PRSS3: variants seen among roughly 807,000 people sequenced by gnomAD.
PRSS3 encodes the protein trypsin-3.
In PRSS3, 14 loss-of-function variants were observed where a neutral mutation model predicts 20.8. That is an observed-to-expected ratio of 0.67 (90% confidence interval 0.44 to 1.05). PRSS3 has a LOEUF of 1.05. PRSS3 is among the 50% of genes least tolerant of loss of function. The pLI is 0.00. For missense variants in PRSS3, 237 were observed against 306.4 expected (o/e 0.77, Z 1.69); for synonymous variants, 91 against 117.6 (o/e 0.77, Z 1.46).
chr9:33,795,428 G>A, upstream of PRSS3: 1 of 1,157,038 alleles, frequency 8.6e-7, no homozygotes, highest in East Asian at 2.5e-5. Context: ...TAGCCGAGCT[G>A]ATGCAAGACC....
At chr9:33,765,819 A>G (rs1168014850) in intron 1 of PRSS3, among the ~76,000 whole-genome samples, 3 of 152,250 alleles carry the variant, frequency 2.0e-5, no homozygotes, top group African/African-American at 7.2e-5. Flanking sequence ...AGGGGAGACT[A>G]CTGCATATCC....
At chr9:33,786,359 G>A (rs1824410794) in intron 1 of PRSS3, 1 of 605,342 alleles carries the variant, frequency 1.7e-6, no homozygotes, top group African/African-American at 1.8e-5. Context: ...AGAAGATGAA[G>A]GGGATATGTT....
chr9:33,759,844 G>C (rs1268861330), intron 1 of PRSS3, among the ~76,000 whole-genome samples: 1 of 152,180 alleles, frequency 6.6e-6, no homozygotes, highest in African/African-American at 2.4e-5. Context: ...AAGGGCTTAT[G>C]CAAGGAGGAT....
chr9:33,762,735 T>G (rs548314230), intron 1 of PRSS3, among the ~76,000 whole-genome samples: 2 of 152,342 alleles, frequency 1.3e-5, no homozygotes, highest in African/African-American at 4.8e-5. Flanking sequence ...CTCTCTAGGA[T>G]TATCTGATGT....
chr9:33,765,765 T>TTGAC (rs1328192359), intron 1 of PRSS3, among the ~76,000 whole-genome samples: 1 of 152,224 alleles, frequency 6.6e-6, no homozygotes, highest in African/African-American at 2.4e-5. Context: ...TGGACCACAG[T>TTGAC]TGACTGCAGG....
At chr9:33,798,903 C>A in intron 4 of PRSS3, 125 bp from the exon 5 acceptor site, 17 of 1,306,894 alleles carry the variant, frequency 1.3e-5, no homozygotes, top group African/African-American at 1.5e-5. Flanking sequence ...AGAGAATGGG[C>A]CACCGTGGGA....
intron 2 of PRSS3, among the ~76,000 whole-genome samples, chr9:33,797,102 G>C (rs1050506433): frequency 1.3e-5 from 2 of 152,144 alleles, no homozygotes; most frequent in African/African-American, 4.8e-5. Flanking sequence ...TGAAAATACT[G>C]ATGCCTGTGT....
At chr9:33,751,815 G>C (rs1447894524) in intron 1 of PRSS3, among the ~76,000 whole-genome samples, 3 of 152,124 alleles carry the variant, frequency 2.0e-5, no homozygotes, top group African/African-American at 4.8e-5. Context: ...GGGAAATTAC[G>C]GAAAGAATCA....
At chr9:33,755,318 TAGA>T (rs1180034133) in intron 1 of PRSS3, among the ~76,000 whole-genome samples, 1 of 152,212 alleles carries the variant, frequency 6.6e-6, no homozygotes, top group South Asian at 2.1e-4. Flanking sequence ...TCGTTCATTG[TAGA>T]AGGTTTTTAT....
chr9:33,764,523 T>C (rs1160856953), intron 1 of PRSS3, among the ~76,000 whole-genome samples: 1 of 152,036 alleles, frequency 6.6e-6, no homozygotes, highest in Non-Finnish European at 1.5e-5. Context: ...ACGAGCAAAA[T>C]TCAGTCTCAA....
At chr9:33,798,440 C>T in intron 3 of PRSS3, 46 bp from the exon 4 acceptor site, 1 of 1,611,386 alleles carries the variant, frequency 6.2e-7, no homozygotes, top group South Asian at 1.1e-5. Context: ...CTTCTCTGGC[C>T]TCACCCACAT....
intron 4 of PRSS3, 87 bp downstream of exon 4, chr9:33,798,709 C>T: frequency 1.3e-6 from 2 of 1,577,182 alleles, no homozygotes; most frequent in South Asian, 2.2e-5. Context: ...GGTGGCAGGG[C>T]TGAGGCGGCT....
At chr9:33,771,196 C>T (rs1002019897) in intron 1 of PRSS3, among the ~76,000 whole-genome samples, 1 of 152,128 alleles carries the variant, frequency 6.6e-6, no homozygotes, top group Non-Finnish European at 1.5e-5. Flanking sequence ...TATTGAAATC[C>T]CACTTACTCC....
intron 3 of PRSS3, 91 bp downstream of exon 3, chr9:33,798,173 G>T: frequency 7.1e-7 from 1 of 1,408,776 alleles, no homozygotes; most frequent in South Asian, 1.3e-5. Context: ...CTTGCCTCCC[G>T]GCTTAAGACA....
chr9:33,794,868 C>T (rs1413235708), upstream of PRSS3: 3 of 1,550,848 alleles, frequency 1.9e-6, no homozygotes, highest in Non-Finnish European at 2.6e-6. Context: ...CCTCCAGATG[C>T]ACTGAGTAAG....
chr9:33,752,943 G>C (rs1264857883), intron 1 of PRSS3, among the ~76,000 whole-genome samples: 1 of 152,164 alleles, frequency 6.6e-6, no homozygotes, highest in East Asian at 1.9e-4. Context: ...AATCGTAATG[G>C]GGCTTTATAG....
upstream of PRSS3, chr9:33,795,542 C>T: frequency 1.2e-6 from 2 of 1,613,986 alleles, no homozygotes; most frequent in Non-Finnish European, 1.7e-6. Context: ...AAGGACAGGC[C>T]TTCCACCACC....
At chr9:33,762,414 A>G (rs755799717) in intron 1 of PRSS3, among the ~76,000 whole-genome samples, 2 of 152,234 alleles carry the variant, frequency 1.3e-5, no homozygotes, top group Non-Finnish European at 2.9e-5. Flanking sequence ...CTGCGGCCAC[A>G]GTCACATCCA....
Position 33,796,639 on chromosome 9 carries a change from C to G in PRSS3, c.41-4C>G. 8 of 1,613,974 alleles carry G rather than the reference C, an allele frequency of 5.0e-6. No homozygotes were observed. Among genetic ancestry groups the G allele is most frequent in the Non-Finnish European group, 6.8e-6 (8 of 1,179,830 alleles). ...TGCCTTCTCCCTTCCTATTTCCACT[C>G]CAGTTGCTGTCCCCTTTGACGATGA... On this transcript the variant is annotated splice_region_variant and splice_polypyrimidine_tract_variant and intron_variant, in intron 1 of 4. Transcript: ENST00000379405.
Sources: gnomAD v4.1 joint callset for allele counts (sites outside exome capture counted in the v4.1 genomes callset) on GRCh38, gnomAD v4.1.1 for gene constraint, MANE v1.5 for transcripts, NCBI Gene and HGNC (gene_info 2026-07-23, HGNC 2026-07-21) for gene names.